The following GTF2F2 variants were observed in gnomAD, a reference collection of about 807,000 sequenced individuals.
The protein encoded by GTF2F2 is ATP-dependent helicase GTF2F2.
GTF2F2 carries 23 observed loss-of-function variants against 42.2 expected under a neutral mutation model. The observed-to-expected ratio is 0.55, with a 90% CI of 0.39 to 0.77. The LOEUF is 0.77. GTF2F2 is among the 30% of genes least tolerant of loss of function. GTF2F2 has a pLI of 0.00. For synonymous variants in GTF2F2, 105 were observed against 100.8 expected (o/e 1.04, Z -0.25); for missense variants, 261 against 287.2 (o/e 0.91, Z 0.66).
intron 6 of GTF2F2, among the ~76,000 whole-genome samples, chr13:45,257,190 C>T (rs1876137124): frequency 6.6e-6 from 1 of 152,102 alleles, no homozygotes; most frequent in African/African-American, 2.4e-5. Context: ...TCATACTTGC[C>T]ATTCAGAAAC....
chr13:45,191,671 A>C (rs1872664001), intron 4 of GTF2F2, among the ~76,000 whole-genome samples: 1 of 152,158 alleles, frequency 6.6e-6, no homozygotes, highest in Non-Finnish European at 1.5e-5. Flanking sequence ...AAAAAGGTAC[A>C]TTTATAAAAA....
At chr13:45,264,247 AT>A (rs35779192) in intron 6 of GTF2F2, among the ~76,000 whole-genome samples, 7,801 of 148,532 alleles carry the variant, frequency 0.053, 269 homozygotes, top group East Asian at 0.12. Flanking sequence ...GTAAACCAAG[AT>A]TTTTTTTTTA....
chr13:45,127,389 G>A (rs1869071451), intron 1 of GTF2F2, among the ~76,000 whole-genome samples: 1 of 151,726 alleles, frequency 6.6e-6, no homozygotes, highest in Non-Finnish European at 1.5e-5. Context: ...GAAGTGCTGT[G>A]AATTCGGCTC....
intron 1 of GTF2F2, among the ~76,000 whole-genome samples, chr13:45,128,567 C>T (rs771623425): frequency 3.3e-5 from 5 of 150,448 alleles, no homozygotes; most frequent in Admixed American, 6.6e-5. Flanking sequence ...AGTGAGACTC[C>T]GTCTCAAAAA....
At chr13:45,207,650 A>T (rs941965322) in intron 5 of GTF2F2, 145 bp downstream of exon 5, 14 of 564,212 alleles carry the variant, frequency 2.5e-5, no homozygotes, top group Middle Eastern at 2.8e-4. Context: ...AAAAGCAAGT[A>T]AGAGTTTCTT....
In GTF2F2 at chr13:45,147,338, T is replaced by A. The variant is rs114513461; in HGVS notation, c.141-2432T>A. Among the ~76,000 whole-genome samples the A allele has an allele frequency of 1.7e-3, 256 of 152,330 alleles. 1 individual carries two copies. The highest frequency in any genetic ancestry group is 5.8e-3 in the African/African-American group (243 of 41,560). ...AGCCTCAGTAGAATTCTGTAAACAT[T>A]ATGGAAGTGTCTTCTGCATCTTTTC... On this transcript the variant is annotated intron_variant, in intron 2 of 7. Coordinates refer to ENST00000340473, the MANE Select transcript of GTF2F2 (RefSeq NM_004128.3).
intron 5 of GTF2F2, among the ~76,000 whole-genome samples, chr13:45,227,120 A>G (rs1874399312): frequency 6.6e-6 from 1 of 152,172 alleles, no homozygotes; most frequent in African/African-American, 2.4e-5. Context: ...AATATTATAT[A>G]GCTGGATTAT....
At chr13:45,228,687 T>TTTTTTTTTA (rs1874504585) in intron 5 of GTF2F2, among the ~76,000 whole-genome samples, 10 of 148,938 alleles carry the variant, frequency 6.7e-5, no homozygotes, top group African/African-American at 2.0e-4. Flanking sequence ...TTTTTTTTTT[T>TTTTTTTTTA]GAGACGGAGT....
chr13:45,123,770 G>A (rs1440693201), intron 1 of GTF2F2, among the ~76,000 whole-genome samples: 1 of 150,778 alleles, frequency 6.6e-6, no homozygotes, highest in African/African-American at 2.4e-5. Flanking sequence ...GCCTAATGAA[G>A]TGCTATTTCT....
chr13:45,189,434 G>A (rs1310107230), intron 4 of GTF2F2, among the ~76,000 whole-genome samples: 1 of 152,210 alleles, frequency 6.6e-6, no homozygotes, highest in Non-Finnish European at 1.5e-5. Context: ...GGGATGGCTA[G>A]GTCAAATGGT....
chr13:45,190,530 C>A (rs1872575934), intron 4 of GTF2F2, among the ~76,000 whole-genome samples: 1 of 152,118 alleles, frequency 6.6e-6, no homozygotes, highest in African/African-American at 2.4e-5. Context: ...ACTATGTAAT[C>A]TTGGGCAGGT....
intron 4 of GTF2F2, among the ~76,000 whole-genome samples, chr13:45,153,879 A>G (rs1413780005): frequency 1.3e-5 from 2 of 151,584 alleles, no homozygotes; most frequent in Non-Finnish European, 2.9e-5. Context: ...CAGGAAGCTG[A>G]AGCAGGAGAA....
rs879004449 is a variant in GTF2F2 at position 45,120,703 on chromosome 13, A to C, written c.48A>C (p.Thr16=). Residue 16 remains threonine, a synonymous_variant, in exon 1 of 8, where the codon ACA becomes ACC. Transcript: ENST00000340473. ...ACTTGACCGGCGCCAAACAGAACAC[A>C]GGAGTGTGGCTAGTCAAGGTAATGT... ...ELDLTGAKQN[T]GVWLVKVPKY... The C allele has an allele frequency of 9.6e-6, 15 of 1,560,556 alleles. No homozygotes were observed. In the South Asian group the frequency reaches 1.2e-4, roughly 12 times the overall value.
chr13:45,247,648 C>CA (rs970014711), intron 5 of GTF2F2, among the ~76,000 whole-genome samples: 40 of 151,974 alleles, frequency 2.6e-4, no homozygotes, highest in Admixed American at 1.1e-3. Flanking sequence ...CTCAGCTTCC[C>CA]AAAGTGCTAG....
chr13:45,234,908 G>T (rs1874877681), intron 5 of GTF2F2, among the ~76,000 whole-genome samples: 1 of 151,994 alleles, frequency 6.6e-6, no homozygotes, highest in African/African-American at 2.4e-5. Flanking sequence ...AGCCGGGCAT[G>T]GTGGCGCATG....
At chr13:45,181,200 A>AAAAAAAAAAAAAAAAAAC (rs766375703) in intron 4 of GTF2F2, among the ~76,000 whole-genome samples, 2 of 132,830 alleles carry the variant, frequency 1.5e-5, no homozygotes, top group African/African-American at 2.8e-5. Flanking sequence ...AAAAAAAAAA[A>AAAAAAAAAAAAAAAAAAC]AAACCAGAAA....
chr13:45,252,401 A>G (rs930011714), intron 5 of GTF2F2, among the ~76,000 whole-genome samples: 1 of 152,134 alleles, frequency 6.6e-6, no homozygotes, highest in African/African-American at 2.4e-5. Flanking sequence ...TTCTGTGATG[A>G]TAGAAATGTT....
rs573979920 is a variant in GTF2F2, at chr13:45,240,929, C to T, written c.387-11942C>T. Among the ~76,000 whole-genome samples the T allele has an allele frequency of 2.1e-5, 3 of 146,142 alleles. No homozygotes were observed. The East Asian group carries it at 6.0e-4, about 29-fold the overall frequency. On this transcript the variant is annotated intron_variant, in intron 5 of 7. Transcript: ENST00000340473. ...CCCAGGTGGGCGGATCACTTGAGCT[C>T]AGGGGTTTGAGACCAGCTGGGCAAC...
intron 4 of GTF2F2, among the ~76,000 whole-genome samples, chr13:45,177,339 C>A (rs183974551): frequency 3.4e-4 from 52 of 152,108 alleles, no homozygotes; most frequent in Non-Finnish European, 4.9e-4. Flanking sequence ...CTTACCACCT[C>A]CCATCTGCAG....
Sources: gnomAD v4.1 joint callset for allele counts (sites outside exome capture counted in the v4.1 genomes callset) on GRCh38, gnomAD v4.1.1 for gene constraint, MANE v1.5 for transcripts, NCBI Gene and HGNC (gene_info 2026-07-23, HGNC 2026-07-21) for gene names.